The following LHFPL2 variants were observed in gnomAD, a reference collection of about 807,000 sequenced individuals.
The protein encoded by LHFPL2 is LHFPL tetraspan subfamily member 2 protein.
LHFPL2 carries 7 observed loss-of-function variants against 17.5 expected under a neutral mutation model. The observed-to-expected ratio is 0.40, with a 90% confidence interval of 0.23 to 0.75. The LOEUF is 0.75. Among genes scored for constraint, LHFPL2 ranks in the 30% least tolerant of loss-of-function variants. The pLI, the probability that LHFPL2 is intolerant of heterozygous loss-of-function variation, is 0.37. For synonymous variants in LHFPL2, 134 were observed against 116.2 expected, an observed-to-expected ratio of 1.15 and a Z score of -0.99; for missense variants, 241 against 294.8, an observed-to-expected ratio of 0.82 and a Z score of 1.34.
intron 2 of LHFPL2, among the ~76,000 whole-genome samples, chr5:78,565,327 G>A (rs1756831729): frequency 6.6e-6 from 1 of 152,186 alleles, no homozygotes; most frequent in African/African-American, 2.4e-5. Flanking sequence ...ATGTTCTAAA[G>A]CTAAATTCAC....
At chr5:78,556,173 T>A (rs879581334) in intron 3 of LHFPL2, among the ~76,000 whole-genome samples, 7 of 152,124 alleles carry the variant, frequency 4.6e-5, no homozygotes, top group Non-Finnish European at 8.8e-5. Context: ...ACACCTGACT[T>A]CCCCTCAAAC....
chr5:78,581,956 C>T (rs1260493941), intron 2 of LHFPL2, among the ~76,000 whole-genome samples: 4 of 152,286 alleles, frequency 2.6e-5, no homozygotes, highest in African/African-American at 9.6e-5. Flanking sequence ...TGATTATTGC[C>T]ACAATTTCAG....
At chr5:78,572,116 G>T (rs1462016954) in intron 2 of LHFPL2, among the ~76,000 whole-genome samples, 1 of 152,182 alleles carries the variant, frequency 6.6e-6, no homozygotes, top group Non-Finnish European at 1.5e-5. Flanking sequence ...GAAGTACCTA[G>T]CTGGGCAACC....
chr5:78,505,623 G>A (rs572111846), intron 4 of LHFPL2, among the ~76,000 whole-genome samples: 3 of 152,288 alleles, frequency 2.0e-5, no homozygotes, highest in Admixed American at 6.5e-5. Flanking sequence ...GGACAGGGAA[G>A]GCCCCTACAC....
intron 4 of LHFPL2, among the ~76,000 whole-genome samples, chr5:78,490,165 T>C (rs1186661645): frequency 6.6e-6 from 1 of 152,236 alleles, no homozygotes; most frequent in African/African-American, 2.4e-5. Context: ...CCTTGTCATT[T>C]TAAACACCTA....
chr5:78,643,025 T>A (rs1433461880), intron 1 of LHFPL2, among the ~76,000 whole-genome samples: 1 of 152,010 alleles, frequency 6.6e-6, no homozygotes, highest in Non-Finnish European at 1.5e-5. Flanking sequence ...GTTTCTAAAG[T>A]GCAATATGAT....
chr5:78,599,924 G>A (rs903996128), intron 2 of LHFPL2, among the ~76,000 whole-genome samples: 5 of 151,982 alleles, frequency 3.3e-5, no homozygotes, highest in East Asian at 1.9e-4. Flanking sequence ...TTGAAGTGAC[G>A]ATTCAGAGTC....
rs1418288091 is a variant in LHFPL2, at chr5:78,648,608, T to A, written c.-459A>T. On this transcript the variant is annotated 5_prime_UTR_variant, in exon 1 of 5. Transcript: ENST00000380345. The surrounding 1 kb of genome is among the most constrained non-coding windows in gnomAD (Gnocchi z 5.4). Reference sequence around the variant, plus strand: ...CGCTCTTGCCCCCGCTGGCCGCGCCTGGAAGAAGGAGGCGGGAGGAGAGCG... The same window carrying A: ...CGCTCTTGCCCCCGCTGGCCGCGCCAGGAAGAAGGAGGCGGGAGGAGAGCG... The A allele has an allele frequency of 6.6e-6, 1 of 151,746 alleles. No homozygotes were observed. The highest frequency in any genetic ancestry group is 1.5e-5 in the Non-Finnish European group (1 of 67,996). 9.4% of individuals were successfully genotyped at this position (151,746 alleles called of 1,614,324 possible). A position where few individuals can be genotyped will look rare whatever the true frequency, so the allele number is the denominator to read the frequency against.
At chr5:78,603,565 G>A (rs1744102170) in intron 2 of LHFPL2, among the ~76,000 whole-genome samples, 1 of 149,896 alleles carries the variant, frequency 6.7e-6, no homozygotes, top group Non-Finnish European at 1.5e-5. Context: ...CCCCAAGAGA[G>A]GGGGAAAAGC....
Position 78,524,928 on chromosome 5 carries a change from A to C in LHFPL2, c.-185-14530T>G, listed in dbSNP as rs978670832. On this transcript the variant is annotated intron_variant, in intron 3 of 4. Coordinates refer to ENST00000380345, the MANE Select transcript of LHFPL2 (RefSeq NM_005779.3). The stretch of plus-strand genomic sequence containing the variant: ...ATTAAAACTTCAGAACATTGTGTGG[A>C]TATTTAATACTTGGTACTCCTTGAG... Among the ~76,000 whole-genome samples, 2 of 152,212 alleles carry C rather than the reference A, an allele frequency of 1.3e-5. 1 individual carries two copies. The highest frequency in any genetic ancestry group is 1.3e-4 in the Admixed American group (2 of 15,292).
intron 4 of LHFPL2, among the ~76,000 whole-genome samples, chr5:78,508,631 A>C (rs1295776356): frequency 6.6e-6 from 1 of 152,206 alleles, no homozygotes; most frequent in Non-Finnish European, 1.5e-5. Context: ...AGAGTTTGCT[A>C]TGAGGCCAGC....
At chr5:78,584,777 A>G (rs1333130228) in intron 2 of LHFPL2, among the ~76,000 whole-genome samples, 1 of 152,110 alleles carries the variant, frequency 6.6e-6, no homozygotes, top group Non-Finnish European at 1.5e-5. Flanking sequence ...GCCTATAAAG[A>G]CAGGCAGGCC....
intron 2 of LHFPL2, among the ~76,000 whole-genome samples, chr5:78,618,102 G>A (rs965495395): frequency 1.4e-4 from 22 of 152,084 alleles, no homozygotes; most frequent in African/African-American, 5.3e-4. Flanking sequence ...TACTTGGGAG[G>A]CTGAAGGAGA....
intron 4 of LHFPL2, among the ~76,000 whole-genome samples, chr5:78,495,996 C>T (rs1032180760): frequency 7.2e-5 from 11 of 152,216 alleles, no homozygotes; most frequent in African/African-American, 2.2e-4. Flanking sequence ...CATTCTCTCC[C>T]TCATTCCAAT....
At chr5:78,617,878 C>G (rs904740804) in intron 2 of LHFPL2, among the ~76,000 whole-genome samples, 1 of 150,156 alleles carries the variant, frequency 6.7e-6, no homozygotes. Context: ...CAGAGTGGGG[C>G]AAAACTTATT....
chr5:78,622,336 T>G (rs528888846), intron 2 of LHFPL2, among the ~76,000 whole-genome samples: 1 of 152,356 alleles, frequency 6.6e-6, no homozygotes, highest in East Asian at 1.9e-4. Flanking sequence ...CCTATTACGA[T>G]AGCAGCGCCA....
intron 2 of LHFPL2, among the ~76,000 whole-genome samples, chr5:78,609,272 G>A (rs1399366983): frequency 6.6e-6 from 1 of 151,890 alleles, no homozygotes; most frequent in East Asian, 1.9e-4. Flanking sequence ...CCAACATGGT[G>A]AAACCCTGTC....
chr5:78,575,279 T>C (rs1244837811), intron 2 of LHFPL2, among the ~76,000 whole-genome samples: 1 of 152,196 alleles, frequency 6.6e-6, no homozygotes. Context: ...CCAGGCACAG[T>C]GGCCCTCCCA....
Position 78,613,964 on chromosome 5 carries a change from C to T in LHFPL2, c.-245+18300G>A, listed in dbSNP as rs16875656. ...TAAGAGAGCCCTGGTCAACATACTC[C>T]CTGGGGCTTAGGACACCCTAAGCAA... is the stretch of plus-strand genomic sequence containing the variant. On this transcript the variant is annotated intron_variant, in intron 2 of 4. Transcript: ENST00000380345. 6.9e-3 allele frequency among the ~76,000 whole-genome samples: 1,048 copies of T among 152,262 alleles called. 13 individuals carry two copies. Among genetic ancestry groups the T allele is most frequent in the African/African-American group, 0.023 (966 of 41,538 alleles).
Sources: allele counts gnomAD v4.1 joint callset (sites outside exome capture counted in the v4.1 genomes callset), GRCh38; gene constraint gnomAD v4.1.1; non-coding constraint Gnocchi (gnomAD v3.1); transcripts MANE v1.5; gene names NCBI Gene and HGNC (gene_info 2026-07-23, HGNC 2026-07-21).